Variants in PRKCB observed in about 807,000 individuals in gnomAD.
PRKCB encodes protein kinase C beta type.
PRKCB carries 13 observed loss-of-function variants against 81.5 expected under a neutral mutation model. That is an observed-to-expected ratio of 0.16 (90% confidence interval 0.10 to 0.25). PRKCB has a LOEUF of 0.25. PRKCB is among the 10% of genes least tolerant of loss of function. The pLI is 1.00. For missense variants in PRKCB, 509 were observed against 875.7 expected, an observed-to-expected ratio of 0.58 and a Z score of 5.29; for synonymous variants, 335 against 321.4, an observed-to-expected ratio of 1.04 and a Z score of -0.45.
intron 9 of PRKCB, among the ~76,000 whole-genome samples, chr16:24,137,687 T>C (rs1596564699): frequency 6.6e-6 from 1 of 152,236 alleles, no homozygotes; most frequent in East Asian, 1.9e-4. Context: ...TTTATCTCTA[T>C]GTATTATTTC....
intron 2 of PRKCB, among the ~76,000 whole-genome samples, chr16:23,903,174 T>C (rs942835242): frequency 6.6e-6 from 1 of 151,696 alleles, no homozygotes; most frequent in African/African-American, 2.4e-5. Context: ...AGAGCTGTGG[T>C]AAAGAGCCCC....
chr16:23,933,836 T>G (rs1192949033), intron 2 of PRKCB, among the ~76,000 whole-genome samples: 1 of 125,852 alleles, frequency 7.9e-6, no homozygotes, highest in African/African-American at 3.5e-5. Flanking sequence ...TGTTTGTCGA[T>G]TTTCTATTCA....
intron 5 of PRKCB, among the ~76,000 whole-genome samples, chr16:24,051,517 C>G (rs752787852): frequency 6.6e-6 from 1 of 152,112 alleles, no homozygotes; most frequent in Non-Finnish European, 1.5e-5. Flanking sequence ...TAGGAATGGG[C>G]TAGCCCTGGG....
At chr16:24,011,838 T>C (rs1025421174) in intron 3 of PRKCB, among the ~76,000 whole-genome samples, 1 of 152,184 alleles carries the variant, frequency 6.6e-6, no homozygotes, top group Non-Finnish European at 1.5e-5. Context: ...GTTTCTTCAT[T>C]TACAAGGTGA....
chr16:24,136,980 C>T (rs1023795815), intron 9 of PRKCB, among the ~76,000 whole-genome samples: 1 of 151,982 alleles, frequency 6.6e-6, no homozygotes, highest in Non-Finnish European at 1.5e-5. Flanking sequence ...TGGGTTCAAG[C>T]GATTCTCCTT....
chr16:23,907,748 C>T (rs935144684), intron 2 of PRKCB, among the ~76,000 whole-genome samples: 7 of 152,066 alleles, frequency 4.6e-5, no homozygotes, highest in Admixed American at 1.3e-4. Context: ...GGAACCATAC[C>T]GGTCGACTCC....
chr16:23,905,809 A>G (rs1377957773), intron 2 of PRKCB, among the ~76,000 whole-genome samples: 1 of 152,186 alleles, frequency 6.6e-6, no homozygotes, highest in Non-Finnish European at 1.5e-5. Context: ...TTTTCTTCAC[A>G]TAAGTGGAAA....
chr16:24,067,186 A>G lies in PRKCB; in HGVS notation c.530-25605A>G, dbSNP rs1966047039. On this transcript the variant is annotated intron_variant, in intron 5 of 16. Transcript: ENST00000643927. ...TTTGTAACCAATAGTTCTCTGGTGA[A>G]ACTTTCCACATTGTCATCCTTTCTC... Among the ~76,000 whole-genome samples the G allele has an allele frequency of 3.3e-5, 5 of 152,268 alleles. No individual in the cohort carries two copies. In the South Asian group the frequency reaches 1.0e-3, roughly 32 times the overall value.
intron 3 of PRKCB, among the ~76,000 whole-genome samples, chr16:24,009,058 C>A (rs1395646800): frequency 6.6e-6 from 1 of 152,116 alleles, no homozygotes; most frequent in East Asian, 1.9e-4. Context: ...AAAAATATTC[C>A]ATCATATGCA....
Position 23,875,624 on chromosome 16 carries a change from GTA to G in PRKCB, c.205+38220_205+38221del, listed in dbSNP as rs1445789195. Reference sequence around the variant, plus strand: ...ATGTATGTATATCACACACATATATGTATGTATATCACACATATATGTATGTA... The same window carrying G: ...ATGTATGTATATCACACACATATATGTGTATATCACACATATATGTATGTA... On this transcript the variant is annotated intron_variant, in intron 2 of 16. Coordinates refer to ENST00000643927, the MANE Select transcript of PRKCB (RefSeq NM_002738.7). Among the ~76,000 whole-genome samples the G allele has an allele frequency of 6.1e-5, 6 of 98,394 alleles. 1 individual carries two copies. The highest frequency in any genetic ancestry group is 2.4e-4 in the African/African-American group (6 of 24,890). The allele number at this position is 98,394 out of a possible 152,430, so 64.6% of individuals were successfully genotyped here.
chr16:24,201,831 C>G (rs556566337), intron 16 of PRKCB, among the ~76,000 whole-genome samples: 1 of 152,028 alleles, frequency 6.6e-6, no homozygotes, highest in Non-Finnish European at 1.5e-5. Flanking sequence ...GTCAGGAGAT[C>G]GAGACCATCT....
chr16:24,006,084 C>A (rs944166426), intron 3 of PRKCB, among the ~76,000 whole-genome samples: 26 of 152,260 alleles, frequency 1.7e-4, no homozygotes, highest in Middle Eastern at 6.8e-3. Flanking sequence ...TCCCTTCTTC[C>A]CTCTCTCACT....
At chr16:23,909,894 T>G (rs554151951) in intron 2 of PRKCB, among the ~76,000 whole-genome samples, 1 of 152,320 alleles carries the variant, frequency 6.6e-6, no homozygotes, top group African/African-American at 2.4e-5. Context: ...AAAGTCTCCA[T>G]GATCTGATCT....
In PRKCB at chr16:24,187,480, C is replaced by T. The variant is rs140085066; in HGVS notation, c.1722+1913C>T. Among the ~76,000 whole-genome samples the T allele has an allele frequency of 1.1e-3, 164 of 152,222 alleles. 2 individuals carry two copies. The highest frequency in any genetic ancestry group is 3.9e-3 in the African/African-American group (161 of 41,544). ...ATAGAGGCTGGCACTCTGCTCCAAG[C>T]CCCTTGGAAGTTATTATTACTATTA... On this transcript the variant is annotated intron_variant, in intron 15 of 16. Transcript: ENST00000643927.
chr16:23,899,128 A>T (rs756104876), intron 2 of PRKCB, among the ~76,000 whole-genome samples: 102 of 152,322 alleles, frequency 6.7e-4, no homozygotes, highest in Non-Finnish European at 1.2e-3. Flanking sequence ...GCAGAAGTAG[A>T]ACTCTTGGAA....
intron 7 of PRKCB, among the ~76,000 whole-genome samples, chr16:24,097,257 C>T (rs1410909915): frequency 2.6e-5 from 4 of 152,202 alleles, no homozygotes; most frequent in African/African-American, 4.8e-5. Flanking sequence ...AGGATGATCT[C>T]GATCTCCTGA....
intron 16 of PRKCB, among the ~76,000 whole-genome samples, chr16:24,194,752 C>A (rs1967854128): frequency 6.6e-6 from 1 of 152,168 alleles, no homozygotes. Context: ...GATATGATTT[C>A]CCACTGACCT....
chr16:23,854,503 T>C (rs1162105570), intron 2 of PRKCB, among the ~76,000 whole-genome samples: 2 of 152,170 alleles, frequency 1.3e-5, no homozygotes, highest in African/African-American at 4.8e-5. Flanking sequence ...TCAGCAGGGA[T>C]GTCTAGGACA....
chr16:24,160,485 T>A (rs1967237803), intron 10 of PRKCB, among the ~76,000 whole-genome samples: 2 of 152,150 alleles, frequency 1.3e-5, no homozygotes, highest in South Asian at 4.1e-4. Flanking sequence ...ATAGGCCATA[T>A]CCCTAAAAGG....
Sources: allele counts gnomAD v4.1 joint callset (sites outside exome capture counted in the v4.1 genomes callset), GRCh38; gene constraint gnomAD v4.1.1; transcripts MANE v1.5; gene names NCBI Gene and HGNC (gene_info 2026-07-23, HGNC 2026-07-21).